Variants in DOCK3 observed in about 807,000 individuals in gnomAD.
DOCK3 encodes dedicator of cytokinesis protein 3.
Under a neutral mutation model 265.6 loss-of-function variants are expected in DOCK3, and 60 were observed. The observed-to-expected ratio is 0.23, with a 90% CI of 0.18 to 0.28. The LOEUF (loss-of-function observed/expected upper bound fraction) is 0.28. DOCK3 is among the 10% of genes least tolerant of loss of function. The pLI, the probability that DOCK3 is intolerant of heterozygous loss-of-function variation, is 1.00. For synonymous variants in DOCK3, 881 were observed against 938.0 expected (o/e 0.94, Z 1.11); for missense variants, 1,981 against 2,594.3 (o/e 0.76, Z 5.14).
chr3:51,294,715 G>A (rs960347847), intron 27 of DOCK3, among the ~76,000 whole-genome samples: 4 of 148,844 alleles, frequency 2.7e-5, no homozygotes, highest in Non-Finnish European at 4.4e-5. Context: ...AATTGAACTC[G>A]AAAAGTAGAT....
intron 4 of DOCK3, among the ~76,000 whole-genome samples, chr3:50,926,696 T>C (rs2050776752): frequency 6.6e-6 from 1 of 152,206 alleles, no homozygotes; most frequent in Admixed American, 6.5e-5. Context: ...GTAGGAAAGA[T>C]GTGAGCACGT....
chr3:51,018,101 A>C (rs1470907127), intron 5 of DOCK3, among the ~76,000 whole-genome samples: 1 of 151,640 alleles, frequency 6.6e-6, no homozygotes, highest in Non-Finnish European at 1.5e-5. Flanking sequence ...TATGTTGGCC[A>C]GGCTGGTCTT....
intron 14 of DOCK3, among the ~76,000 whole-genome samples, chr3:51,221,455 A>G (rs1293626060): frequency 6.6e-6 from 1 of 152,200 alleles, no homozygotes; most frequent in African/African-American, 2.4e-5. Flanking sequence ...AAAGTGTTGT[A>G]AAAACAAAGA....
chr3:51,330,790 T>C (rs1235954940), intron 33 of DOCK3, among the ~76,000 whole-genome samples: 3 of 152,184 alleles, frequency 2.0e-5, no homozygotes, highest in African/African-American at 7.2e-5. Flanking sequence ...CCAAGAGACC[T>C]GAAGAGAGAC....
chr3:51,325,501 T>TGG (rs2109862245), intron 32 of DOCK3, among the ~76,000 whole-genome samples: 1 of 152,352 alleles, frequency 6.6e-6, no homozygotes, highest in African/African-American at 2.4e-5. Flanking sequence ...GAAGACAGTC[T>TGG]GGCAATTCCT....
chr3:50,808,440 G>A (rs148384296), intron 2 of DOCK3, among the ~76,000 whole-genome samples: 3 of 152,190 alleles, frequency 2.0e-5, no homozygotes, highest in African/African-American at 7.2e-5. Flanking sequence ...AGGACTTATG[G>A]TACCAGATAT....
At chr3:51,065,578 C>T (rs985235788) in intron 6 of DOCK3, among the ~76,000 whole-genome samples, 1 of 152,092 alleles carries the variant, frequency 6.6e-6, no homozygotes, top group Non-Finnish European at 1.5e-5. Context: ...ACAGTCTACC[C>T]CAATCAATGA....
At chr3:50,974,976 T>C (rs986700882) in intron 5 of DOCK3, among the ~76,000 whole-genome samples, 121 of 147,744 alleles carry the variant, frequency 8.2e-4, no homozygotes, top group Admixed American at 2.7e-3. Flanking sequence ...CTTGTGATTT[T>C]TGTACATTGA....
intron 3 of DOCK3, among the ~76,000 whole-genome samples, chr3:50,875,057 G>A (rs531089717): frequency 1.3e-5 from 2 of 152,086 alleles, no homozygotes; most frequent in East Asian, 1.9e-4. Flanking sequence ...CCGGAGTTGT[G>A]GGGGAGGGGT....
Position 51,362,439 on chromosome 3 carries a change from C to T in DOCK3, c.5146-88C>T, listed in dbSNP as rs188955808. 32 of 1,551,360 alleles carry T rather than the reference C, an allele frequency of 2.1e-5. No homozygotes were observed. In the Admixed American group the frequency reaches 5.1e-4, roughly 25 times the overall value. On this transcript the variant is annotated intron_variant, in intron 48 of 52. Coordinates refer to ENST00000266037, the MANE Select transcript of DOCK3 (RefSeq NM_004947.5). ...TAGCATAAGGCACTGGGGCAGAACA[C>T]CTCAGGGCATGAAAAAGCAAACTCT...
intron 4 of DOCK3, among the ~76,000 whole-genome samples, chr3:50,906,409 G>T (rs1447203246): frequency 6.6e-6 from 1 of 151,786 alleles, no homozygotes; most frequent in Non-Finnish European, 1.5e-5. Flanking sequence ...TTTTTTGGTT[G>T]GGAGGCTATT....
In DOCK3 at chr3:51,057,980, A is replaced by G. The variant is rs2081264735; in HGVS notation, c.316-6468A>G. Among the ~76,000 whole-genome samples, 3 of 152,296 alleles carry G rather than the reference A, an allele frequency of 2.0e-5. No individual in the cohort carries two copies. In the South Asian group the frequency reaches 6.2e-4, roughly 32 times the overall value. The stretch of plus-strand genomic sequence containing the variant: ...ATCCAAAGCTTAGTGGCTTAAAATA[A>G]CTATATTTTTCATTCTTTTCTGGAT... On this transcript the variant is annotated intron_variant, in intron 5 of 52. Coordinates refer to ENST00000266037, the MANE Select transcript of DOCK3 (RefSeq NM_004947.5).
chr3:50,740,385 G>A (rs1397365258), intron 1 of DOCK3, among the ~76,000 whole-genome samples: 4 of 151,990 alleles, frequency 2.6e-5, no homozygotes, highest in African/African-American at 4.8e-5. Flanking sequence ...AGAAAATACC[G>A]AGGAATGGAA....
intron 32 of DOCK3, among the ~76,000 whole-genome samples, chr3:51,324,860 C>G (rs2083988751): frequency 6.6e-6 from 1 of 152,114 alleles, no homozygotes; most frequent in Non-Finnish European, 1.5e-5. Context: ...AACTAGCTAG[C>G]CATATGCAGA....
chr3:51,274,180 T>A (rs2080680790), intron 24 of DOCK3, among the ~76,000 whole-genome samples: 1 of 152,228 alleles, frequency 6.6e-6, no homozygotes, highest in African/African-American at 2.4e-5. Flanking sequence ...AAATGTTGGC[T>A]AATTATCAAA....
At chr3:51,113,807 G>A (rs972157218) in intron 9 of DOCK3, among the ~76,000 whole-genome samples, 4 of 152,140 alleles carry the variant, frequency 2.6e-5, no homozygotes, top group African/African-American at 7.2e-5. Context: ...AAGACAAATA[G>A]CGTCAACAAA....
intron 3 of DOCK3, among the ~76,000 whole-genome samples, chr3:50,856,419 C>T (rs1036597469): frequency 2.0e-5 from 3 of 151,062 alleles, no homozygotes; most frequent in Admixed American, 6.6e-5. Context: ...TTTGGATTTG[C>T]ATTTCTCTAT....
chr3:50,924,381 C>T (rs761353407), intron 4 of DOCK3, among the ~76,000 whole-genome samples: 1 of 152,186 alleles, frequency 6.6e-6, no homozygotes, highest in African/African-American at 2.4e-5. Context: ...TTGTTCTATA[C>T]AGTCTGTTGC....
intron 32 of DOCK3, 109 bp downstream of exon 32, chr3:51,315,237 G>C (rs2083301368): frequency 7.5e-7 from 1 of 1,338,012 alleles, no homozygotes; most frequent in African/African-American, 1.5e-5. Context: ...GCTGTAGTTT[G>C]GCTAATTTGA....
Sources: allele counts gnomAD v4.1 joint callset (sites outside exome capture counted in the v4.1 genomes callset), GRCh38; gene constraint gnomAD v4.1.1; transcripts MANE v1.5; gene names NCBI Gene and HGNC (gene_info 2026-07-23, HGNC 2026-07-21).